Variants in ZNF664 observed in about 807,000 individuals in gnomAD.
ZNF664 encodes the protein zinc finger protein 664.
Under a neutral mutation model 18.2 loss-of-function variants are expected in ZNF664, and 10 were observed. The ratio of observed to expected loss-of-function variants is 0.55; its 90% CI spans 0.34 to 0.93. The LOEUF is 0.93. Among genes scored for constraint, ZNF664 ranks in the 40% least tolerant of loss-of-function variants. The pLI is 0.02. For synonymous variants in ZNF664, 119 were observed against 104.2 expected (o/e 1.14, Z -0.86); for missense variants, 193 against 319.0 (o/e 0.61, Z 3.01).
At chr12:123,973,397 A>T in intron 1 of ZNF664, 45 bp downstream of exon 1, 4 of 547,870 alleles carry the variant, frequency 7.3e-6, no homozygotes, top group Non-Finnish European at 8.2e-6. Flanking sequence ...TCTTTCCCGG[A>T]GGGAGGCGGG....
intron 3 of ZNF664, among the ~76,000 whole-genome samples, chr12:124,003,029 T>C (rs970912819): frequency 6.6e-6 from 1 of 152,122 alleles, no homozygotes; most frequent in Admixed American, 6.5e-5. Context: ...TTTCCAGCCC[T>C]GTCTTGGGGC....
chr12:124,002,289 G>A (rs1163931032), intron 3 of ZNF664, among the ~76,000 whole-genome samples: 1 of 152,202 alleles, frequency 6.6e-6, no homozygotes, highest in Admixed American at 6.5e-5. Context: ...CTGGTGTGTG[G>A]TTTGCAGAGA....
chr12:123,985,583 A>G (rs1369959871), intron 2 of ZNF664, among the ~76,000 whole-genome samples: 1 of 152,242 alleles, frequency 6.6e-6, no homozygotes, highest in African/African-American at 2.4e-5. Context: ...TTTCGTTAAG[A>G]AAAGATAACA....
At chr12:123,982,099 T>C (rs1017582699) in intron 2 of ZNF664, among the ~76,000 whole-genome samples, 6 of 152,188 alleles carry the variant, frequency 3.9e-5, no homozygotes, top group Non-Finnish European at 7.3e-5. Flanking sequence ...ACCTGACTTC[T>C]GGGAGTGATT....
chr12:124,010,098 G>A (rs1594576730), intron 3 of ZNF664, among the ~76,000 whole-genome samples: 1 of 152,032 alleles, frequency 6.6e-6, no homozygotes, highest in Non-Finnish European at 1.5e-5. Flanking sequence ...TTACCAATGT[G>A]TCTTTAGGAT....
rs1053759918 is a variant in ZNF664, at chr12:123,973,988, T to C, written c.-789T>C. ...CTGCTGCCGCCGGACGCCTCCATTG[T>C]TTGACCACAACAAGGGCCGGATTCT... is the stretch of plus-strand genomic sequence containing the variant. On this transcript the variant is annotated 5_prime_UTR_variant, in exon 2 of 5. Coordinates refer to ENST00000337815, the MANE Select transcript of ZNF664 (RefSeq NM_152437.3). The C allele has an allele frequency of 8.1e-7, 1 of 1,231,958 alleles. No homozygotes were observed. 76.3% of individuals were successfully genotyped at this position (1,231,958 alleles called of 1,614,324 possible). A position where few individuals can be genotyped will look rare whatever the true frequency, so the allele number is the denominator to read the frequency against.
In ZNF664 at chr12:124,012,453, A is replaced by G. The variant is rs1363553412; in HGVS notation, c.309A>G (p.Gln103=). 6.2e-7 allele frequency: 1 copy of G among 1,614,204 alleles called. No homozygotes were observed. Reference sequence around the variant, plus strand: ...CCTTCAATTGGAGCTCCCATCTTCAAATTCATATGAGAGTTCATACAGGTG... The same window carrying G: ...CCTTCAATTGGAGCTCCCATCTTCAGATTCATATGAGAGTTCATACAGGTG... ...GKAFNWSSHL[Q]IHMRVHTGEK... The change falls in exon 5 of 5, where the codon CAA becomes CAG. Residue 103 remains glutamine (Q), a synonymous_variant. Transcript: ENST00000337815.
chr12:123,973,297 G>C lies in ZNF664; in HGVS notation c.-947G>C, dbSNP rs1311146925. ...CGCACCTGTGAGGTGTCCCTGAGGA[G>C]AGGGAGGTGGGTGCGCGGCGCCCGC... On this transcript the variant is annotated 5_prime_UTR_variant, in exon 1 of 5. Coordinates refer to ENST00000337815, the MANE Select transcript of ZNF664 (RefSeq NM_152437.3). 2.0e-6 allele frequency: 2 copies of C among 984,130 alleles called. No homozygotes were observed. The highest frequency in any genetic ancestry group is 2.4e-6 in the Non-Finnish European group (2 of 829,802). The allele number at this position is 984,130 out of a possible 1,614,324, so 61.0% of individuals were successfully genotyped here. A position where few individuals can be genotyped will look rare whatever the true frequency, so the allele number is the denominator to read the frequency against.
rs77763493 is a variant in ZNF664 at position 124,000,234 on chromosome 12, C to T, written c.-660-11147C>T. ...TCCCACCCTCCAGACAACCATCTCA[C>T]ACCACCTCTGTTCTCCTCAAACCTC... is the stretch of plus-strand genomic sequence containing the variant. On this transcript the variant is annotated intron_variant, in intron 3 of 4. Transcript: ENST00000337815. Among the ~76,000 whole-genome samples the T allele has an allele frequency of 6.5e-3, 986 of 152,308 alleles. 6 individuals are homozygous for T. Among genetic ancestry groups the T allele is most frequent in the African/African-American group, 0.022 (921 of 41,564 alleles).
chr12:123,989,458 C>G (rs1566199136), intron 3 of ZNF664: 1 of 152,178 alleles, frequency 6.6e-6, no homozygotes, highest in Non-Finnish European at 1.5e-5. Context: ...ACCAAAGAGT[C>G]ATGTCTAATA....
intron 2 of ZNF664, among the ~76,000 whole-genome samples, chr12:123,981,762 A>G (rs1956767555): frequency 6.6e-6 from 1 of 152,266 alleles, no homozygotes; most frequent in Admixed American, 6.5e-5. Flanking sequence ...AAGAGGATTT[A>G]CAAAGAATAA....
At chr12:123,979,562 A>G (rs1956735860) in intron 2 of ZNF664, among the ~76,000 whole-genome samples, 1 of 152,266 alleles carries the variant, frequency 6.6e-6, no homozygotes, top group South Asian at 2.1e-4. Context: ...AACATACGTT[A>G]ATATAAACAA....
intron 2 of ZNF664, among the ~76,000 whole-genome samples, chr12:123,977,462 C>CAAAA (rs58043898): frequency 0.27 from 24,867 of 92,698 alleles, 2,375 homozygotes; most frequent in Non-Finnish European, 0.32. Context: ...CTAAAATGGC[C>CAAAA]AAAAAAAAAA....
At chr12:124,007,615 C>T (rs555629907) in intron 3 of ZNF664, among the ~76,000 whole-genome samples, 1 of 152,182 alleles carries the variant, frequency 6.6e-6, no homozygotes, top group Non-Finnish European at 1.5e-5. Flanking sequence ...GTTTCAGTCA[C>T]AGTTGCCCCT....
intron 2 of ZNF664, among the ~76,000 whole-genome samples, chr12:123,983,959 G>T (rs535302319): frequency 6.8e-6 from 1 of 147,964 alleles, no homozygotes; most frequent in African/African-American, 2.7e-5. Context: ...GCAACTAGAG[G>T]TAGTAACCCA....
intron 2 of ZNF664, among the ~76,000 whole-genome samples, chr12:123,977,040 A>G (rs752738012): frequency 6.6e-5 from 10 of 152,194 alleles, no homozygotes; most frequent in Non-Finnish European, 1.0e-4. Flanking sequence ...AGATCATGCC[A>G]CTGCACTCCA....
At chr12:123,985,592 C>T (rs1956814752) in intron 2 of ZNF664, among the ~76,000 whole-genome samples, 1 of 152,204 alleles carries the variant, frequency 6.6e-6, no homozygotes, top group South Asian at 2.1e-4. Flanking sequence ...GAAAAGATAA[C>T]AGATTCCTAA....
At chr12:123,977,840 A>T (rs890358354) in intron 2 of ZNF664, among the ~76,000 whole-genome samples, 1 of 152,212 alleles carries the variant, frequency 6.6e-6, no homozygotes, top group African/African-American at 2.4e-5. Flanking sequence ...TTATATGGAA[A>T]TGTCATAAAT....
At chr12:124,009,988 C>A (rs562770249) in intron 3 of ZNF664, among the ~76,000 whole-genome samples, 1 of 151,616 alleles carries the variant, frequency 6.6e-6, no homozygotes, top group Non-Finnish European at 1.5e-5. Flanking sequence ...GTGCCATACT[C>A]GACTCGGCTA....
Sources: allele counts gnomAD v4.1 joint callset (sites outside exome capture counted in the v4.1 genomes callset), GRCh38; gene constraint gnomAD v4.1.1; transcripts MANE v1.5; gene names NCBI Gene and HGNC (gene_info 2026-07-23, HGNC 2026-07-21).